Variants in TBC1D10B observed in about 807,000 individuals in gnomAD.
TBC1D10B encodes the protein TBC1 domain family member 10B.
TBC1D10B carries 25 observed loss-of-function variants against 78.4 expected under a neutral mutation model. The observed-to-expected ratio is 0.32, with a 90% CI of 0.23 to 0.45. TBC1D10B has a LOEUF of 0.45. Among genes scored for constraint, TBC1D10B ranks in the 20% least tolerant of loss-of-function variants. The probability of loss-of-function intolerance (pLI) is 1.00; values close to 1 mark genes in which losing one functional copy is unlikely to be tolerated. For missense variants in TBC1D10B, 996 were observed against 1,104.8 expected (o/e 0.90, Z 1.40); for synonymous variants, 517 against 478.0 (o/e 1.08, Z -1.06).
chr16:30,359,458 G>C (rs764863025), intron 6 of TBC1D10B, 80 bp downstream of exon 6: 37 of 1,548,486 alleles, frequency 2.4e-5, no homozygotes, highest in Non-Finnish European at 2.9e-5. Context: ...GGGAAGGCCA[G>C]GGTGGGGCAA....
Position 30,369,095 on chromosome 16 carries a change from G to C in TBC1D10B, c.956+133C>G. ...CAGGATGCTCAAGACACGGCAGCTC[G>C]CGCTGATCACCCCGTGGATCCTCAG... is the stretch of plus-strand genomic sequence containing the variant. On this transcript the variant is annotated intron_variant, in intron 1 of 8. Transcript: ENST00000409939. This position sits in a 1 kb window ranked among gnomAD's most constrained non-coding sequence, Gnocchi z 4.3. 1.1e-6 allele frequency: 1 copy of C among 939,690 alleles called. No individual in the cohort carries two copies. Among genetic ancestry groups the C allele is most frequent in the Non-Finnish European group, 1.6e-6 (1 of 640,878 alleles). The allele number at this position is 939,690 out of a possible 1,614,324, so 58.2% of individuals were successfully genotyped here.
At position 30,369,716 on chromosome 16, in the gene TBC1D10B, G is replaced by C; in HGVS notation, c.468C>G (p.Thr156=). 1.3e-6 allele frequency: 2 copies of C among 1,488,090 alleles called. No individual in the cohort carries two copies. Among genetic ancestry groups the C allele is most frequent in the Non-Finnish European group, 1.8e-6 (2 of 1,118,116 alleles). The allele number at this position is 1,488,090 out of a possible 1,614,324, so 92.2% of individuals were successfully genotyped here. A position where few individuals can be genotyped will look rare whatever the true frequency, so the allele number is the denominator to read the frequency against. Residue 156 remains threonine, a synonymous_variant, in exon 1 of 9, where the codon ACC becomes ACG. Coordinates refer to ENST00000409939, the MANE Select transcript of TBC1D10B (RefSeq NM_015527.4). This position sits in a 1 kb window ranked among gnomAD's most constrained non-coding sequence, Gnocchi z 4.3. The part of the protein sequence containing the change: ...PGTPTGTPTR[T]PSRTAPGALT... ...GGGCACCAGGAGCCGTTCTGGAAGG[G>C]GTCCTGGTAGGGGTCCCGGTGGGGG...
Position 30,365,307 on chromosome 16 carries a change from A to G in TBC1D10B, c.1057-95T>C. 1 of 1,284,568 alleles carries G rather than the reference A, an allele frequency of 7.8e-7. No individual in the cohort carries two copies. Among genetic ancestry groups the G allele is most frequent in the Non-Finnish European group, 1.1e-6 (1 of 897,676 alleles). 79.6% of individuals were successfully genotyped at this position (1,284,568 alleles called of 1,614,324 possible). On this transcript the variant is annotated intron_variant, in intron 2 of 8. Coordinates refer to ENST00000409939, the MANE Select transcript of TBC1D10B (RefSeq NM_015527.4). This position sits in a 1 kb window ranked among gnomAD's most constrained non-coding sequence, Gnocchi z 5.0. ...CACAAACTCCCTGGATACTCCTCCG[A>G]CATCCCATAGGCTTGATTCCACTGG...
rs576603874 is a variant in TBC1D10B at position 30,365,024 on chromosome 16, G to A, written c.1165-18C>T. On this transcript the variant is annotated intron_variant, in intron 3 of 8. Transcript: ENST00000409939. This position sits in a 1 kb window ranked among gnomAD's most constrained non-coding sequence, Gnocchi z 5.0. The stretch of plus-strand genomic sequence containing the variant: ...TCCAGCTCCTGCAGTGGGACAGTGG[G>A]GATTACCTCAGCATCTGGGGGAACT... 9 of 1,612,846 alleles carry A rather than the reference G, an allele frequency of 5.6e-6. No homozygotes were observed. The highest frequency in any genetic ancestry group is 2.2e-5 in the East Asian group (1 of 44,840).
chr16:30,370,286 G>T lies in TBC1D10B; in HGVS notation c.-103C>A. ...AGCCGAGAAAGGGGAGAGGGCGAAG[G>T]GCGCGGCTCGGCGCGCGCCGGGGGC... On this transcript the variant is annotated 5_prime_UTR_variant, in exon 1 of 9. Coordinates refer to ENST00000409939, the MANE Select transcript of TBC1D10B (RefSeq NM_015527.4). The T allele has an allele frequency of 3.9e-6, 2 of 516,802 alleles. No individual in the cohort carries two copies. The highest frequency in any genetic ancestry group is 5.2e-6 in the Non-Finnish European group (2 of 381,034). The allele number at this position is 516,802 out of a possible 1,614,324, so 32.0% of individuals were successfully genotyped here.
rs1255248918 is a variant in TBC1D10B at position 30,358,189 on chromosome 16, G to C, written c.2182C>G (p.Arg728Gly). The change falls in exon 9 of 9, where the codon CGG (arginine) becomes GGG (glycine). Residue 728 changes from arginine to glycine, a missense_variant. Around this residue, in one of 5 missense-constraint regions of TBC1D10B, gnomAD observed 285 missense variants for 252.5 expected, o/e 1.13. Coordinates refer to ENST00000409939, the MANE Select transcript of TBC1D10B (RefSeq NM_015527.4). ...TGCCGCTCCTTCTCCTGTTTCTGCC[G>C]CTCCTTCTCCTGCTTCCGGGTCTCC... ...SKETRKQEKERQKQEKERQKQ... is the reference protein window; with the variant it reads ...SKETRKQEKEGQKQEKERQKQ... 1 of 1,552,226 alleles carries C rather than the reference G, an allele frequency of 6.4e-7. No homozygotes were observed.
rs2049661162 is a variant in TBC1D10B, at chr16:30,369,081, A to C, written c.956+147T>G. Reference sequence around the variant, plus strand: ...TGTCACAGGCACCTCAGGATGCTCAAGACACGGCAGCTCGCGCTGATCACC... The same window carrying C: ...TGTCACAGGCACCTCAGGATGCTCACGACACGGCAGCTCGCGCTGATCACC... On this transcript the variant is annotated intron_variant, in intron 1 of 8. Transcript: ENST00000409939. This position sits in a 1 kb window ranked among gnomAD's most constrained non-coding sequence, Gnocchi z 4.3. 2 of 842,372 alleles carry C rather than the reference A, an allele frequency of 2.4e-6. No homozygotes were observed. Among genetic ancestry groups the C allele is most frequent in the Non-Finnish European group, 3.6e-6 (2 of 553,656 alleles). The allele number at this position is 842,372 out of a possible 1,614,324, so 52.2% of individuals were successfully genotyped here.
Position 30,369,856 on chromosome 16 carries a change from C to T in TBC1D10B, c.328G>A (p.Glu110Lys), listed in dbSNP as rs2049671571. Residue 110 changes from glutamate to lysine, a missense_variant, in exon 1 of 9, where the codon GAA (glutamate) becomes AAA (lysine). Transcript: ENST00000409939. This position sits in a 1 kb window ranked among gnomAD's most constrained non-coding sequence, Gnocchi z 4.3. ...APKPQLPSGP[E>K]SPEPAAVAGV... The stretch of plus-strand genomic sequence containing the variant: ...GCCACTGCCGCGGGCTCTGGGGATT[C>T]CGGGCCGGAGGGGAGCTGCGGCTTT... The T allele has an allele frequency of 1.4e-6, 2 of 1,404,324 alleles. No individual in the cohort carries two copies. Among genetic ancestry groups the T allele is most frequent in the Non-Finnish European group, 1.8e-6 (2 of 1,081,976 alleles). The allele number at this position is 1,404,324 out of a possible 1,614,324, so 87.0% of individuals were successfully genotyped here.
chr16:30,357,975 G>GTCCTGC lies in TBC1D10B; in HGVS notation c.2395_2396insGCAGGA (p.Ser799delinsCysArgThr), dbSNP rs1345380094. ...GTAAGCGTCCTGCCGGGCCTCGGCT[G>GTCCTGC]AGGGCCTGTCCCCACCATCATGGGG... On this transcript the variant is annotated protein_altering_variant, in exon 9 of 9. Coordinates refer to ENST00000409939, the MANE Select transcript of TBC1D10B (RefSeq NM_015527.4). The GTCCTGC allele has an allele frequency of 5.8e-6, 9 of 1,551,572 alleles. No individual in the cohort carries two copies. Among genetic ancestry groups the GTCCTGC allele is most frequent in the Non-Finnish European group, 7.8e-6 (9 of 1,146,938 alleles).
rs983057956 is a variant in TBC1D10B, at chr16:30,364,763, T to C, written c.1271+137A>G. On this transcript the variant is annotated intron_variant, in intron 4 of 8. Coordinates refer to ENST00000409939, the MANE Select transcript of TBC1D10B (RefSeq NM_015527.4). Reference sequence around the variant, plus strand: ...AGTTCCTTTGACATGGCTTGACACTTAGTCCATTACAGATAGCTCTTCTAC... The same window carrying C: ...AGTTCCTTTGACATGGCTTGACACTCAGTCCATTACAGATAGCTCTTCTAC... 8.3e-6 allele frequency: 6 copies of C among 724,460 alleles called. No homozygotes were observed. The African/African-American group carries it at 1.1e-4, about 13-fold the overall frequency. The allele number at this position is 724,460 out of a possible 1,614,324, so 44.9% of individuals were successfully genotyped here.
intron 1 of TBC1D10B, among the ~76,000 whole-genome samples, chr16:30,368,377 C>T (rs1305864078): frequency 6.6e-6 from 1 of 152,180 alleles, no homozygotes; most frequent in African/African-American, 2.4e-5. Flanking sequence ...AAGTACTTTT[C>T]TTTCTCTCCA....
At chr16:30,367,442 G>A (rs2049645330) in intron 1 of TBC1D10B, 1 of 152,156 alleles carries the variant, frequency 6.6e-6, no homozygotes, top group Non-Finnish European at 1.5e-5. Flanking sequence ...CCCTCAAGAA[G>A]GTTACAGCCT....
In TBC1D10B at chr16:30,369,639, C is replaced by T. The variant is rs1421858364; in HGVS notation, c.545G>A (p.Gly182Glu). The change falls in exon 1 of 9, where the codon GGA (glycine) becomes GAA (glutamate). Residue 182 changes from glycine (G) to glutamate (E), a missense_variant. Gly to Glu is a moderately conservative substitution (Grantham distance 98, BLOSUM62 -2). Coordinates refer to ENST00000409939, the MANE Select transcript of TBC1D10B (RefSeq NM_015527.4). The surrounding 1 kb of genome is among the most constrained non-coding windows in gnomAD (Gnocchi z 4.3). ...APKPGTTVAS[G>E]VTARSASGQV... Reference sequence around the variant, plus strand: ...TCCTGATGCACTCCGTGCAGTCACTCCTGAGGCCACTGTGGTTCCCGGCTT... The same window carrying T: ...TCCTGATGCACTCCGTGCAGTCACTTCTGAGGCCACTGTGGTTCCCGGCTT... The T allele has an allele frequency of 1.1e-5, 17 of 1,533,894 alleles. No homozygotes were observed. The Admixed American group carries it at 2.9e-4, about 26-fold the overall frequency.
At chr16:30,359,144 C>G (rs985097547) in intron 7 of TBC1D10B, 28 bp downstream of exon 7, 1 of 1,588,438 alleles carries the variant, frequency 6.3e-7, no homozygotes. Context: ...ACCCCAGCCC[C>G]TCATGGCCTG....
At chr16:30,366,537 G>A (rs1449008471) in intron 1 of TBC1D10B, 1 of 151,850 alleles carries the variant, frequency 6.6e-6, no homozygotes, top group Non-Finnish European at 1.5e-5. Context: ...ATAAAATACA[G>A]AACAAATGTA....
rs1195027126 is a variant in TBC1D10B at position 30,370,271 on chromosome 16, G to T, written c.-88C>A. ...CCTCCCGGCGAGGCCAGCCGAGAAA[G>T]GGGAGAGGGCGAAGGGCGCGGCTCG... On this transcript the variant is annotated 5_prime_UTR_variant, in exon 1 of 9. Transcript: ENST00000409939. The T allele has an allele frequency of 7.1e-6, 5 of 700,084 alleles. No individual in the cohort carries two copies. Among genetic ancestry groups the T allele is most frequent in the Non-Finnish European group, 9.2e-6 (5 of 541,744 alleles). The allele number at this position is 700,084 out of a possible 1,614,324, so 43.4% of individuals were successfully genotyped here.
In TBC1D10B at chr16:30,369,765, G is replaced by A; in HGVS notation, c.419C>T (p.Pro140Leu). The A allele has an allele frequency of 3.5e-6, 5 of 1,449,270 alleles. No individual in the cohort carries two copies. Among genetic ancestry groups the A allele is most frequent in the Non-Finnish European group, 4.6e-6 (5 of 1,098,448 alleles). The allele number at this position is 1,449,270 out of a possible 1,614,324, so 89.8% of individuals were successfully genotyped here. A position where few individuals can be genotyped will look rare whatever the true frequency, so the allele number is the denominator to read the frequency against. The change falls in exon 1 of 9, where the codon CCC (proline) becomes CTC (leucine). Residue 140 changes from proline to leucine, a missense_variant. This residue lies in a region of TBC1D10B where 448 missense variants were observed against 442.1 expected (regional missense o/e 1.01). Transcript: ENST00000409939. This position sits in a 1 kb window ranked among gnomAD's most constrained non-coding sequence, Gnocchi z 4.3. The part of the protein sequence containing the change: ...ADSPKTEEAR[P>L]SPAPGPGTPT... Reference sequence around the variant, plus strand: ...GGTCCCTGGTCCTGGGGCGGGTGAGGGTCGAGCCTCCTCTGTCTTCGGCGA... The same window carrying A: ...GGTCCCTGGTCCTGGGGCGGGTGAGAGTCGAGCCTCCTCTGTCTTCGGCGA...
At position 30,365,573 on chromosome 16, in the gene TBC1D10B, G is replaced by A; in HGVS notation, c.978C>T (p.Asp326=). The change falls in exon 2 of 9, where the codon GAC becomes GAT. Residue 326 remains aspartate, a synonymous_variant. Transcript: ENST00000409939. The surrounding 1 kb of genome is among the most constrained non-coding windows in gnomAD (Gnocchi z 5.0). Reference sequence around the variant, plus strand: ...ATTTGAGCTCCCGCTGCCGAGCCACGTCCACGGGAATGGAGCTCTCTCTGC... The same window carrying A: ...ATTTGAGCTCCCGCTGCCGAGCCACATCCACGGGAATGGAGCTCTCTCTGC... ...SGSLESSIPV[D]VARQRELKWL... 1 of 1,613,950 alleles carries A rather than the reference G, an allele frequency of 6.2e-7. No individual in the cohort carries two copies. The highest frequency in any genetic ancestry group is 8.5e-7 in the Non-Finnish European group (1 of 1,179,882).
In TBC1D10B at chr16:30,358,834, T is replaced by G. The variant is rs371413586; in HGVS notation, c.1643-17A>C. ...TCTTAACGCCTGCAGGGGTGGAGAGTAGAGAGCATGGGGTGGTCAGACCCA... is the reference window on the plus strand; with the variant it reads ...TCTTAACGCCTGCAGGGGTGGAGAGGAGAGAGCATGGGGTGGTCAGACCCA... On this transcript the variant is annotated splice_polypyrimidine_tract_variant and intron_variant, in intron 7 of 8. Transcript: ENST00000409939. 265 of 1,594,430 alleles carry G rather than the reference T, an allele frequency of 1.7e-4. No individual in the cohort carries two copies. The highest frequency in any genetic ancestry group is 2.1e-4 in the Non-Finnish European group (249 of 1,170,406).
Sources: allele counts gnomAD v4.1 joint callset (sites outside exome capture counted in the v4.1 genomes callset), GRCh38; gene constraint gnomAD v4.1.1; regional missense constraint gnomAD v4.1.1; non-coding constraint Gnocchi (gnomAD v3.1); transcripts MANE v1.5; gene names NCBI Gene and HGNC (gene_info 2026-07-23, HGNC 2026-07-21).